The following CERS4 variants were observed in gnomAD, a reference collection of about 807,000 sequenced individuals.
The protein encoded by CERS4 is LAG1 homolog, ceramide synthase 4.
Under a neutral mutation model 51.8 loss-of-function variants are expected in CERS4, and 65 were observed. The ratio of observed to expected loss-of-function variants is 1.26; its 90% CI spans 1.03 to 1.54. The LOEUF (loss-of-function observed/expected upper bound fraction) is 1.54. CERS4 is among the 40% of genes most tolerant of loss of function. CERS4 has a pLI of 0.00. For synonymous variants in CERS4, 228 were observed against 208.4 expected (o/e 1.09, Z -0.81); for missense variants, 563 against 500.4 (o/e 1.13, Z -1.19).
chr19:8,229,400 T>A (rs1967918106), intron 2 of CERS4, among the ~76,000 whole-genome samples: 1 of 95,610 alleles, frequency 1.0e-5, no homozygotes, highest in South Asian at 3.6e-4. Flanking sequence ...TCTTTTTTCT[T>A]CTTCTTCTTT....
intron 4 of CERS4, among the ~76,000 whole-genome samples, chr19:8,255,205 G>A (rs1969312330): frequency 1.3e-5 from 2 of 152,098 alleles, no homozygotes; most frequent in African/African-American, 2.4e-5. Context: ...AGAGCTAGAC[G>A]TGACTCCCCC....
chr19:8,256,835 C>A (rs1969411887), intron 8 of CERS4, 114 bp from the exon 9 acceptor site: 2 of 1,584,830 alleles, frequency 1.3e-6, no homozygotes, highest in Non-Finnish European at 1.7e-6. Flanking sequence ...GATATAGAGG[C>A]CATGGGCCCA....
intron 3 of CERS4, among the ~76,000 whole-genome samples, chr19:8,252,972 G>A (rs998530541): frequency 2.0e-5 from 3 of 152,212 alleles, no homozygotes; most frequent in Non-Finnish European, 4.4e-5. Context: ...AATAGGAACT[G>A]AGTTAGGGTT....
chr19:8,256,829 T>A, intron 8 of CERS4, 119 bp downstream of exon 8: 3 of 1,581,322 alleles, frequency 1.9e-6, no homozygotes, highest in Non-Finnish European at 2.6e-6. Context: ...GCAGGAGATA[T>A]AGAGGCCATG....
chr19:8,228,060 C>T (rs980071109), intron 2 of CERS4, among the ~76,000 whole-genome samples: 3 of 152,192 alleles, frequency 2.0e-5, no homozygotes, highest in African/African-American at 7.2e-5. Flanking sequence ...CGGGGTTTCA[C>T]CATGTTGGCC....
rs374797820 is a variant in CERS4, at chr19:8,256,324, G to A, written c.519+38G>A. The A allele has an allele frequency of 4.5e-5, 73 of 1,608,966 alleles. No individual in the cohort carries two copies. The South Asian group carries it at 7.5e-4, about 17-fold the overall frequency. ...GTGTGTGTGAATGCTTGGAGGGTGA[G>A]GGCGATGATCACAGTTGCTGCAGCC... On this transcript the variant is annotated intron_variant, in intron 7 of 11. Coordinates refer to ENST00000251363, the MANE Select transcript of CERS4 (RefSeq NM_024552.3).
At chr19:8,224,127 G>A (rs9749561) in intron 2 of CERS4, among the ~76,000 whole-genome samples, 801 of 54,532 alleles carry the variant, frequency 0.015, 42 homozygotes, top group Middle Eastern at 0.021. Flanking sequence ...AAAAAAAAAA[G>A]GCCAGGCACG....
At chr19:8,251,478 G>A (rs1182088100) in intron 3 of CERS4, among the ~76,000 whole-genome samples, 3 of 152,166 alleles carry the variant, frequency 2.0e-5, no homozygotes, top group Admixed American at 2.0e-4. Flanking sequence ...ACACTGCACT[G>A]CCTGCAGCCT....
chr19:8,228,537 G>A (rs1404390413), intron 2 of CERS4, among the ~76,000 whole-genome samples: 2 of 152,020 alleles, frequency 1.3e-5, no homozygotes, highest in Non-Finnish European at 2.9e-5. Flanking sequence ...TTAGCTGGGT[G>A]TGGTGTAGGT....
chr19:8,253,937 A>G (rs1969226654), intron 3 of CERS4, among the ~76,000 whole-genome samples: 1 of 151,982 alleles, frequency 6.6e-6, no homozygotes, highest in African/African-American at 2.4e-5. Flanking sequence ...GCCCCAGGGG[A>G]TGAGGCCAGG....
At chr19:8,245,449 A>G (rs939404367) in intron 2 of CERS4, among the ~76,000 whole-genome samples, 6 of 150,826 alleles carry the variant, frequency 4.0e-5, no homozygotes, top group Admixed American at 2.0e-4. Flanking sequence ...CAGTTTCGCT[A>G]TGTTGTCCAG....
At chr19:8,215,546 C>T (rs552958398) in intron 2 of CERS4, among the ~76,000 whole-genome samples, 7 of 151,858 alleles carry the variant, frequency 4.6e-5, no homozygotes, top group African/African-American at 1.5e-4. Flanking sequence ...AGCCTGCAGT[C>T]GCTCCCTTCC....
chr19:8,254,015 G>T lies in CERS4; in HGVS notation c.174-484G>T, dbSNP rs549595627. Among the ~76,000 whole-genome samples the T allele has an allele frequency of 4.6e-5, 7 of 152,144 alleles. No individual in the cohort carries two copies. The South Asian group carries it at 1.5e-3, about 32-fold the overall frequency. ...TCTGGGCCTCCAAACCCTCTGATCA[G>T]ATGGAAAAGAAAGACCAAGTCTTAG... On this transcript the variant is annotated intron_variant, in intron 3 of 11. Transcript: ENST00000251363.
At chr19:8,212,702 G>A (rs546004648) in intron 2 of CERS4, among the ~76,000 whole-genome samples, 2 of 151,974 alleles carry the variant, frequency 1.3e-5, no homozygotes, top group African/African-American at 4.8e-5. Flanking sequence ...GCAATGGTGC[G>A]ATCTCGGCCC....
intron 8 of CERS4, 71 bp downstream of exon 8, chr19:8,256,781 CCT>C: frequency 6.3e-7 from 1 of 1,575,360 alleles, no homozygotes; most frequent in Non-Finnish European, 8.6e-7. Flanking sequence ...GGTAGGGCAG[CCT>C]TACAACCGCA....
chr19:8,239,231 G>C (rs147277134), intron 2 of CERS4: 1 of 151,682 alleles, frequency 6.6e-6, no homozygotes, highest in Admixed American at 6.6e-5. Flanking sequence ...GTGAAACTCC[G>C]TCTCTACTAA....
chr19:8,256,213 G>A (rs754810324), intron 6 of CERS4, 23 bp from the exon 7 acceptor site: 7 of 1,606,452 alleles, frequency 4.4e-6, no homozygotes, highest in Middle Eastern at 3.3e-4. Flanking sequence ...CCTCTGCACA[G>A]CCTGACACCC....
At chr19:8,212,375 T>C (rs1477093138) in intron 2 of CERS4, among the ~76,000 whole-genome samples, 3 of 151,770 alleles carry the variant, frequency 2.0e-5, no homozygotes, top group Admixed American at 1.3e-4. Flanking sequence ...CAGCTGCTCA[T>C]GGGGGAGAAG....
rs80284211 is a variant in CERS4, at chr19:8,237,281, G to A, written c.-1-13795G>A. 2.7e-3 allele frequency among the ~76,000 whole-genome samples: 408 copies of A among 152,168 alleles called. 1 individual carries two copies. Among genetic ancestry groups the A allele is most frequent in the African/African-American group, 9.3e-3 (388 of 41,534 alleles). ...AAATGTGTTGGAACTGCTGGGTGCC[G>A]TGGCTCATGCCTGTACTCTCAGCAC... On this transcript the variant is annotated intron_variant, in intron 2 of 11. Coordinates refer to ENST00000251363, the MANE Select transcript of CERS4 (RefSeq NM_024552.3).
Sources: allele counts gnomAD v4.1 joint callset (sites outside exome capture counted in the v4.1 genomes callset), GRCh38; gene constraint gnomAD v4.1.1; transcripts MANE v1.5; gene names NCBI Gene and HGNC (gene_info 2026-07-23, HGNC 2026-07-21).